Variants in ABLIM3 observed in about 807,000 individuals in gnomAD.
ABLIM3 encodes the protein actin binding LIM protein family member 3, also known as actin-binding LIM protein 3.
In ABLIM3, 61 loss-of-function variants were observed where a neutral mutation model predicts 109.5. That is an observed-to-expected ratio of 0.56 (90% CI 0.45 to 0.69). The LOEUF (loss-of-function observed/expected upper bound fraction) is 0.69, where lower values mean the gene tolerates loss of function less well. ABLIM3 is among the 30% of genes least tolerant of loss of function. The pLI is 0.00. For synonymous variants in ABLIM3, 300 were observed against 324.8 expected, an observed-to-expected ratio of 0.92 and a Z score of 0.82; for missense variants, 796 against 889.5, an observed-to-expected ratio of 0.89 and a Z score of 1.34.
At chr5:149,202,924 C>A (rs1309928821) in intron 5 of ABLIM3, among the ~76,000 whole-genome samples, 3 of 151,992 alleles carry the variant, frequency 2.0e-5, no homozygotes, top group Non-Finnish European at 4.4e-5. Context: ...AGGCACTGCA[C>A]AGACCTCAGT....
intron 7 of ABLIM3, among the ~76,000 whole-genome samples, chr5:149,213,570 A>G (rs1417891627): frequency 6.6e-6 from 1 of 151,962 alleles, no homozygotes; most frequent in Non-Finnish European, 1.5e-5. Context: ...ATGCGGTGGG[A>G]GATATTACAA....
intron 2 of ABLIM3, among the ~76,000 whole-genome samples, chr5:149,179,754 G>A (rs1467876121): frequency 6.6e-6 from 1 of 151,976 alleles, no homozygotes; most frequent in Non-Finnish European, 1.5e-5. Flanking sequence ...CTAATCACAT[G>A]TGACTATTTA....
chr5:149,183,392 G>T, intron 2 of ABLIM3, 60 bp from the exon 3 acceptor site: 1 of 1,451,228 alleles, frequency 6.9e-7, no homozygotes, highest in Non-Finnish European at 9.1e-7. Context: ...ATAATGTCTT[G>T]CAGCAGACTT....
intron 2 of ABLIM3, among the ~76,000 whole-genome samples, chr5:149,159,553 C>T (rs142311270): frequency 5.1e-4 from 78 of 152,214 alleles, no homozygotes; most frequent in African/African-American, 1.8e-3. Context: ...TCCCCTTAAA[C>T]AGAGTATGTG....
chr5:149,173,516 A>T (rs1436532231), intron 2 of ABLIM3, among the ~76,000 whole-genome samples: 1 of 152,132 alleles, frequency 6.6e-6, no homozygotes, highest in Non-Finnish European at 1.5e-5. Context: ...ATCTGTCAAG[A>T]TGGGAAAGTG....
intron 10 of ABLIM3, among the ~76,000 whole-genome samples, chr5:149,233,556 A>G (rs1406090569): frequency 6.6e-6 from 1 of 152,226 alleles, no homozygotes; most frequent in African/African-American, 2.4e-5. Context: ...AGCACGAGAA[A>G]GAAAGTACAA....
rs1754742163 is a variant in ABLIM3, at chr5:149,259,664, G to A, written c.*1260G>A. 8 of 1,404,038 alleles carry A rather than the reference G, an allele frequency of 5.7e-6. No homozygotes were observed. The Admixed American group carries it at 9.9e-5, about 17-fold the overall frequency. The allele number at this position is 1,404,038 out of a possible 1,614,324, so 87.0% of individuals were successfully genotyped here. A position where few individuals can be genotyped will look rare whatever the true frequency, so the allele number is the denominator to read the frequency against. Reference sequence around the variant, plus strand: ...CCTTCCTGCTCGCCTCCCTGAACAGGGGAGAAAGCTTAACCTCTCTTCTCC... The same window carrying A: ...CCTTCCTGCTCGCCTCCCTGAACAGAGGAGAAAGCTTAACCTCTCTTCTCC... On this transcript the variant is annotated 3_prime_UTR_variant, in exon 24 of 24. Coordinates refer to ENST00000309868, the MANE Select transcript of ABLIM3 (RefSeq NM_014945.5).
chr5:149,225,934 T>C (rs1761147536), intron 8 of ABLIM3, among the ~76,000 whole-genome samples: 2 of 142,198 alleles, frequency 1.4e-5, no homozygotes, highest in South Asian at 4.3e-4. Flanking sequence ...CATATATATA[T>C]ATATATGTAT....
At chr5:149,199,174 A>C in intron 4 of ABLIM3, 1 of 455,326 alleles carries the variant, frequency 2.2e-6, no homozygotes, top group Non-Finnish European at 4.4e-6. Context: ...AGATGAAAAA[A>C]TGAAGAAAGC....
intron 2 of ABLIM3, among the ~76,000 whole-genome samples, chr5:149,162,349 A>G (rs1166295970): frequency 6.6e-6 from 1 of 152,188 alleles, no homozygotes; most frequent in Non-Finnish European, 1.5e-5. Context: ...TTGTGGGTCT[A>G]GTGTCCTCAT....
At chr5:149,208,511 A>C (rs551472180) in intron 6 of ABLIM3, among the ~76,000 whole-genome samples, 1 of 152,156 alleles carries the variant, frequency 6.6e-6, no homozygotes, top group East Asian at 1.9e-4. Context: ...AAGTGCTAGC[A>C]AAGAAGATTG....
rs1014191386 is a variant in ABLIM3 at position 149,259,567 on chromosome 5, T to C, written c.*1163T>C. 6.5e-7 allele frequency: 1 copy of C among 1,536,226 alleles called. No homozygotes were observed. Among genetic ancestry groups the C allele is most frequent in the South Asian group, 1.2e-5 (1 of 84,066 alleles). On this transcript the variant is annotated 3_prime_UTR_variant, in exon 24 of 24. Transcript: ENST00000309868. ...ACAGGGAAACTTTTGGAAGAGTGGC[T>C]GCTTATGAGATTCCAAAATGAAGTG...
At chr5:149,144,928 CAAAG>C (rs562428603) in intron 2 of ABLIM3, among the ~76,000 whole-genome samples, 112 of 152,330 alleles carry the variant, frequency 7.4e-4, no homozygotes, top group African/African-American at 2.4e-3. Context: ...CCTGCTTATA[CAAAG>C]AGTCAGCCCT....
chr5:149,252,251 G>A (rs200667600), intron 22 of ABLIM3, 43 bp downstream of exon 22: 39 of 1,607,650 alleles, frequency 2.4e-5, no homozygotes, highest in East Asian at 1.8e-4. Flanking sequence ...AGGATTCTTG[G>A]AGCCGCTACA....
At chr5:149,228,790 T>G (rs1761559783) in intron 8 of ABLIM3, among the ~76,000 whole-genome samples, 1 of 152,230 alleles carries the variant, frequency 6.6e-6, no homozygotes, top group African/African-American at 2.4e-5. Flanking sequence ...CTCTCCTTGT[T>G]TCTTATGTAA....
At chr5:149,192,193 TAA>T (rs1053479583) in intron 3 of ABLIM3, among the ~76,000 whole-genome samples, 7 of 151,750 alleles carry the variant, frequency 4.6e-5, no homozygotes, top group African/African-American at 1.7e-4. Flanking sequence ...GATATAGAAA[TAA>T]AAGTTATATG....
Position 149,235,061 on chromosome 5 carries a change from G to A in ABLIM3, c.888+1761G>A, listed in dbSNP as rs73795949. 1.4e-3 allele frequency among the ~76,000 whole-genome samples: 217 copies of A among 152,250 alleles called. 1 individual carries two copies. Among genetic ancestry groups the A allele is most frequent in the African/African-American group, 4.8e-3 (198 of 41,550 alleles). ...CTGCGCTTGTGCCTTCCAACTAGGG[G>A]CTTACACATTGAGATCAGTTGTCCC... On this transcript the variant is annotated intron_variant, in intron 10 of 23. Transcript: ENST00000309868.
chr5:149,256,899 G>C (rs73275754), intron 23 of ABLIM3, among the ~76,000 whole-genome samples: 3,581 of 152,288 alleles, frequency 0.024, 145 homozygotes, highest in African/African-American at 0.079. Flanking sequence ...GGGGCAGTGA[G>C]AATGTAATGC....
rs753575928 is a variant in ABLIM3, at chr5:149,247,956, G to A, written c.1699+27G>A. On this transcript the variant is annotated intron_variant, in intron 18 of 23. Coordinates refer to ENST00000309868, the MANE Select transcript of ABLIM3 (RefSeq NM_014945.5). ...TAAGCATGGCTCTGGAAGCCCAACG[G>A]GGCGGGGACACCTTTCTCTGTGACT... 1.9e-6 allele frequency: 3 copies of A among 1,606,240 alleles called. No homozygotes were observed. In the South Asian group the frequency reaches 3.3e-5, roughly 18 times the overall value.
Sources: gnomAD v4.1 joint callset for allele counts (sites outside exome capture counted in the v4.1 genomes callset) on GRCh38, gnomAD v4.1.1 for gene constraint, MANE v1.5 for transcripts, NCBI Gene and HGNC (gene_info 2026-07-23, HGNC 2026-07-21) for gene names.